Variants in BRF1 observed in about 807,000 individuals in gnomAD.
BRF1 encodes transcription factor IIIB 90 kDa subunit.
A neutral mutation model predicts 81.7 loss-of-function variants in BRF1; 59 were observed. The ratio of observed to expected loss-of-function variants is 0.72; its 90% CI spans 0.59 to 0.90. The LOEUF (loss-of-function observed/expected upper bound fraction) is 0.90, where lower values mean the gene tolerates loss of function less well. Among genes scored for constraint, BRF1 ranks in the 40% least tolerant of loss-of-function variants. BRF1 has a pLI of 0.00. For synonymous variants in BRF1, 491 were observed against 395.6 expected (o/e 1.24, Z -2.86); for missense variants, 1,050 against 936.3 (o/e 1.12, Z -1.58).
intron 5 of BRF1, chr14:105,250,725 A>C (rs2055556817): frequency 6.5e-7 from 1 of 1,529,918 alleles, no homozygotes. Context: ...GGAAGTCAAG[A>C]TGCTAACTGC....
rs1889828375 is a variant in BRF1 at position 105,209,430 on chromosome 14, C to A, written c.*1121G>T. The stretch of plus-strand genomic sequence containing the variant: ...TGGCCTGCTGCGGGCCAAGTTGGGG[C>A]AGGACATACAGCCCATTCCATGGGG... On this transcript the variant is annotated 3_prime_UTR_variant, in exon 18 of 18. Coordinates refer to ENST00000547530, the MANE Select transcript of BRF1 (RefSeq NM_001519.4). 1.5e-6 allele frequency: 1 copy of A among 684,702 alleles called. No homozygotes were observed. Among genetic ancestry groups the A allele is most frequent in the East Asian group, 2.7e-5 (1 of 36,442 alleles). 42.4% of individuals were successfully genotyped at this position (684,702 alleles called of 1,614,324 possible).
chr14:105,214,138 G>A lies in BRF1; in HGVS notation c.1773-1974C>T, dbSNP rs181407261. On this transcript the variant is annotated intron_variant, in intron 15 of 17. Coordinates refer to ENST00000547530, the MANE Select transcript of BRF1 (RefSeq NM_001519.4). ...TGCTGACCCCGCTTGGCTGAAGCTC[G>A]GCCCCAGCCCAGCCTGGGGGGATCC... is the stretch of plus-strand genomic sequence containing the variant. Among the ~76,000 whole-genome samples, 655 of 152,316 alleles carry A rather than the reference G, an allele frequency of 4.3e-3. 3 individuals carry two copies. The highest frequency in any genetic ancestry group is 0.015 in the African/African-American group (620 of 41,570).
At chr14:105,241,483 G>A in intron 5 of BRF1, 69 bp from the exon 6 acceptor site, 6 of 1,586,526 alleles carry the variant, frequency 3.8e-6, no homozygotes, top group Non-Finnish European at 4.3e-6. Flanking sequence ...GGCCCACGCA[G>A]CCCAGGGGTG....
rs1889919747 is a variant in BRF1, at chr14:105,210,318, C to T, written c.*233G>A. ...GCAGCGGGACCCAGCCCTGCACACACCCGGCCCACATCTGATCACACACAT... is the reference window on the plus strand; with the variant it reads ...GCAGCGGGACCCAGCCCTGCACACATCCGGCCCACATCTGATCACACACAT... On this transcript the variant is annotated 3_prime_UTR_variant, in exon 18 of 18. Coordinates refer to ENST00000547530, the MANE Select transcript of BRF1 (RefSeq NM_001519.4). This position sits in a 1 kb window ranked among gnomAD's most constrained non-coding sequence, Gnocchi z 4.7. The T allele has an allele frequency of 5.3e-6, 3 of 563,004 alleles. No homozygotes were observed. The South Asian group carries it at 6.0e-5, about 11-fold the overall frequency. 34.9% of individuals were successfully genotyped at this position (563,004 alleles called of 1,614,324 possible). A position where few individuals can be genotyped will look rare whatever the true frequency, so the allele number is the denominator to read the frequency against.
chr14:105,307,199 C>A (rs116565256), intron 1 of BRF1, among the ~76,000 whole-genome samples: 1 of 152,130 alleles, frequency 6.6e-6, no homozygotes, highest in East Asian at 1.9e-4. Context: ...CTTGAGCCAC[C>A]GTGCAGGCTG....
intron 1 of BRF1, among the ~76,000 whole-genome samples, chr14:105,307,921 G>T (rs1248983416): frequency 6.6e-6 from 1 of 152,080 alleles, no homozygotes; most frequent in African/African-American, 2.4e-5. Context: ...AGTGGCTCAC[G>T]CCTGTCATCC....
intron 2 of BRF1, among the ~76,000 whole-genome samples, chr14:105,273,432 G>A (rs998454455): frequency 3.3e-5 from 5 of 152,210 alleles, no homozygotes; most frequent in Admixed American, 2.6e-4. Context: ...CCAGGCTAGC[G>A]CCATCCCCTG....
At chr14:105,214,501 A>AGCTGCCCACACCCCTGAG (rs1566795230) in intron 15 of BRF1, among the ~76,000 whole-genome samples, 2 of 37,694 alleles carry the variant, frequency 5.3e-5, no homozygotes, top group African/African-American at 2.5e-4. Context: ...ACACCCCTGC[A>AGCTGCCCACACCCCTGAG]TGGCTCAGCT....
chr14:105,253,470 C>A (rs1014960762), intron 4 of BRF1, among the ~76,000 whole-genome samples: 2 of 152,232 alleles, frequency 1.3e-5, no homozygotes, highest in African/African-American at 2.4e-5. Context: ...AGAATTCCCT[C>A]GCCTGACCAA....
At chr14:105,273,586 T>C (rs2056752745) in intron 2 of BRF1, among the ~76,000 whole-genome samples, 2 of 152,202 alleles carry the variant, frequency 1.3e-5, no homozygotes, top group Non-Finnish European at 2.9e-5. Flanking sequence ...TGTTAATCTG[T>C]AACTCTGCCC....
At chr14:105,229,648 GAC>G (rs1384061308) in intron 6 of BRF1, among the ~76,000 whole-genome samples, 1 of 150,998 alleles carries the variant, frequency 6.6e-6, no homozygotes, top group African/African-American at 2.4e-5. Flanking sequence ...GGGGGCGGGG[GAC>G]AGCCTGGCAG....
intron 1 of BRF1, among the ~76,000 whole-genome samples, chr14:105,286,992 G>A (rs913675526): frequency 6.6e-6 from 1 of 152,148 alleles, no homozygotes; most frequent in Non-Finnish European, 1.5e-5. Context: ...CCACCTCCCT[G>A]CTGGACTGCA....
chr14:105,292,049 G>A (rs1566870883), intron 1 of BRF1, among the ~76,000 whole-genome samples: 1 of 152,130 alleles, frequency 6.6e-6, no homozygotes, highest in Non-Finnish European at 1.5e-5. Flanking sequence ...AAAGCGCAGG[G>A]GCACCATCAC....
intron 3 of BRF1, among the ~76,000 whole-genome samples, chr14:105,262,016 G>A (rs2056183520): frequency 6.6e-6 from 1 of 152,252 alleles, no homozygotes; most frequent in African/African-American, 2.4e-5. Flanking sequence ...GAAGCTCCGT[G>A]TAGAGCAGTA....
intron 7 of BRF1, chr14:105,228,158 G>C (rs1321069930): frequency 1.3e-5 from 2 of 152,270 alleles, no homozygotes; most frequent in African/African-American, 4.8e-5. Flanking sequence ...TCAAAGTCCA[G>C]GACGGGCCAC....
At position 105,241,339 on chromosome 14, in the gene BRF1, G is replaced by A; in HGVS notation, c.620C>T (p.Ala207Val). 1.9e-6 allele frequency: 3 copies of A among 1,612,806 alleles called. No homozygotes were observed. Among genetic ancestry groups the A allele is most frequent in the Non-Finnish European group, 2.5e-6 (3 of 1,179,938 alleles). The change falls in exon 6 of 18, where the codon GCC (alanine) becomes GTC (valine). Residue 207 changes from alanine (A) to valine (V), a missense_variant. By Grantham distance (64) the Ala-to-Val change is moderately conservative. Around this residue, in one of 2 missense-constraint regions of BRF1, gnomAD observed 1,043 missense variants for 915.4 expected, o/e 1.14. Transcript: ENST00000547530. ...GEKNHEVSMT[A>V]LRLLQRMKRD... The stretch of plus-strand genomic sequence containing the variant: ...CTTCATCCTCTGTAGGAGCCTCAGG[G>A]CAGTCATGGACACCTCGTGGTTCTT...
chr14:105,294,382 C>T (rs1045635366), intron 1 of BRF1, among the ~76,000 whole-genome samples: 1 of 152,250 alleles, frequency 6.6e-6, no homozygotes, highest in African/African-American at 2.4e-5. Context: ...CACTGCTCCA[C>T]ACCACCATCC....
At chr14:105,290,554 A>G (rs11625098) in intron 1 of BRF1, among the ~76,000 whole-genome samples, 30,784 of 152,130 alleles carry the variant, frequency 0.2, 3,788 homozygotes, top group Middle Eastern at 0.27. Context: ...ACAGGGCCAC[A>G]GTGAGATGCC....
intron 12 of BRF1, chr14:105,219,717 G>A (rs375323197): frequency 7.1e-4 from 301 of 425,700 alleles, no homozygotes; most frequent in East Asian, 6.6e-3. Flanking sequence ...GTTTGGGGGC[G>A]CACAGCGCAT....
Sources: gnomAD v4.1 joint callset for allele counts (sites outside exome capture counted in the v4.1 genomes callset) on GRCh38, gnomAD v4.1.1 for gene constraint, gnomAD v4.1.1 regional missense constraint, Gnocchi (gnomAD v3.1) non-coding constraint, MANE v1.5 for transcripts, NCBI Gene and HGNC (gene_info 2026-07-23, HGNC 2026-07-21) for gene names.